Variants in MUC5AC observed in about 807,000 individuals in gnomAD.
The protein encoded by MUC5AC is mucin 5AC, oligomeric mucus/gel-forming.
MUC5AC carries 158 observed loss-of-function variants against 169.7 expected under a neutral mutation model. The observed-to-expected ratio is 0.93, with a 90% CI of 0.82 to 1.06. The LOEUF is 1.06. Among genes scored for constraint, MUC5AC ranks in the 50% least tolerant of loss-of-function variants. MUC5AC has a pLI of 0.00. For synonymous variants in MUC5AC, 1,975 were observed against 1,237.0 expected (o/e 1.60, Z -12.52); for missense variants, 4,359 against 3,089.9 (o/e 1.41, Z -9.74).
intron 11 of MUC5AC, among the ~76,000 whole-genome samples, 177 bp from the exon 12 acceptor site, chr11:1,167,700 G>C (rs780453756): frequency 3.9e-5 from 6 of 152,204 alleles, no homozygotes; most frequent in Non-Finnish European, 8.8e-5. Context: ...GCAGATTTCT[G>C]TGTGTGCCTG....
intron 15 of MUC5AC, among the ~76,000 whole-genome samples, chr11:1,170,147 CCATT>C (rs1181348279): frequency 1.3e-5 from 1 of 74,770 alleles, no homozygotes; most frequent in Non-Finnish European, 2.6e-5. Flanking sequence ...ACCCACTCAC[CCATT>C]CACCCATTCA....
At chr11:1,197,867 G>A in intron 41 of MUC5AC, 36 bp from the exon 42 acceptor site, 1 of 696,910 alleles carries the variant, frequency 1.4e-6, no homozygotes, top group African/African-American at 1.7e-5. Flanking sequence ...GGGGGCGGGG[G>A]ACAGACTCCT....
chr11:1,196,481 C>T lies in MUC5AC; in HGVS notation c.15725+6C>T, dbSNP rs753835882. The T allele has an allele frequency of 5.2e-6, 4 of 764,982 alleles. No homozygotes were observed. Among genetic ancestry groups the T allele is most frequent in the East Asian group, 4.8e-5 (2 of 41,250 alleles). 47.4% of individuals were successfully genotyped at this position (764,982 alleles called of 1,614,324 possible). The stretch of plus-strand genomic sequence containing the variant: ...AATGACAGCGCCAGCCTCGGGTAGG[C>T]ACCCTCCCTCCTGGCCCTGCCATGG... On this transcript the variant is annotated splice_donor_region_variant and intron_variant, in intron 38 of 48. Coordinates refer to ENST00000621226, the MANE Select transcript of MUC5AC (RefSeq NM_001304359.2).
At position 1,168,844 on chromosome 11, in the gene MUC5AC, T is replaced by C; in HGVS notation, c.1706-18T>C. On this transcript the variant is annotated intron_variant, in intron 14 of 48. Coordinates refer to ENST00000621226, the MANE Select transcript of MUC5AC (RefSeq NM_001304359.2). ...TGGCCAGGGCGCATGGTCCTCAACC[T>C]GCCTAACCCGCCCCCAGGTCTCTGT... 6.3e-7 allele frequency: 1 copy of C among 1,580,978 alleles called. No individual in the cohort carries two copies. The highest frequency in any genetic ancestry group is 1.1e-5 in the South Asian group (1 of 87,076).
rs780476470 is a variant in MUC5AC at position 1,196,645 on chromosome 11, G to A, written c.15754G>A (p.Glu5252Lys). The A allele has an allele frequency of 1.3e-5, 10 of 762,590 alleles. No homozygotes were observed. The highest frequency in any genetic ancestry group is 3.4e-5 in the African/African-American group (2 of 59,094). The allele number at this position is 762,590 out of a possible 1,614,324, so 47.2% of individuals were successfully genotyped here. Reference protein sequence around the residue: ...GALPEAGPITEGCFCPEGMTL... With the variant: ...GALPEAGPITKGCFCPEGMTL... ...TCTGCCGGAGGCCGGCCCCATCACC[G>A]AAGGCTGCTTCTGTCCGGAGGGCAT... Residue 5252 changes from glutamate (E) to lysine (K), a missense_variant, in exon 39 of 49, where the codon GAA becomes AAA. Transcript: ENST00000621226.
In MUC5AC at chr11:1,196,724, C is replaced by T. The variant is rs376370809; in HGVS notation, c.15829+4C>T. ...TGCGTGCCCACGGGCTGCCCCAGTA[C>T]GTGCCCCAGGCCGGGGCTGGGGGGT... is the stretch of plus-strand genomic sequence containing the variant. On this transcript the variant is annotated splice_donor_region_variant and intron_variant, in intron 39 of 48. Coordinates refer to ENST00000621226, the MANE Select transcript of MUC5AC (RefSeq NM_001304359.2). 1.0e-4 allele frequency: 76 copies of T among 753,372 alleles called. No homozygotes were observed. In the East Asian group the frequency reaches 1.0e-3, roughly 10 times the overall value. 46.7% of individuals were successfully genotyped at this position (753,372 alleles called of 1,614,324 possible). A position where few individuals can be genotyped will look rare whatever the true frequency, so the allele number is the denominator to read the frequency against.
Position 1,183,612 on chromosome 11 carries a change from G to T in MUC5AC, c.5467G>T (p.Asp1823Tyr), listed in dbSNP as rs1236484897. 1 of 642,300 alleles carries T rather than the reference G, an allele frequency of 1.6e-6. No individual in the cohort carries two copies. Among genetic ancestry groups the T allele is most frequent in the Admixed American group, 2.4e-5 (1 of 42,264 alleles). 39.8% of individuals were successfully genotyped at this position (642,300 alleles called of 1,614,324 possible). ...REEGLVCRNQ[D>Y]QQGPFKMCLN... The stretch of plus-strand genomic sequence containing the variant: ...AGAGGGCCTGGTGTGCCGGAACCAG[G>T]ACCAGCAGGGACCCTTCAAGATGTG... Residue 1823 changes from aspartate (D) to tyrosine (Y), a missense_variant, in exon 31 of 49, where the codon GAC becomes TAC. Asp to Tyr is a radical substitution (Grantham distance 160). Transcript: ENST00000621226.
Position 1,181,128 on chromosome 11 carries a change from C to T in MUC5AC, c.3777-11C>T, listed in dbSNP as rs1860806940. On this transcript the variant is annotated splice_polypyrimidine_tract_variant and intron_variant, in intron 28 of 48. Transcript: ENST00000621226. The stretch of plus-strand genomic sequence containing the variant: ...CCCACGCATCGGCCTGCCCTTCTTC[C>T]TTGTCTCCAGCCTTTGTACGGAGCG... 2 of 398,446 alleles carry T rather than the reference C, an allele frequency of 5.0e-6. No individual in the cohort carries two copies. The highest frequency in any genetic ancestry group is 2.1e-5 in the African/African-American group (1 of 48,616). 24.7% of individuals were successfully genotyped at this position (398,446 alleles called of 1,614,324 possible). A position where few individuals can be genotyped will look rare whatever the true frequency, so the allele number is the denominator to read the frequency against.
intron 7 of MUC5AC, 47 bp from the exon 8 acceptor site, chr11:1,164,059 C>G: frequency 6.2e-7 from 1 of 1,609,778 alleles, no homozygotes; most frequent in Non-Finnish European, 8.5e-7. Flanking sequence ...GGGAACCGGT[C>G]CAGATCCCCC....
rs1369155846 is a variant in MUC5AC, at chr11:1,188,373, C to T, written c.10228C>T (p.Pro3410Ser). 97 of 636,470 alleles carry T rather than the reference C, an allele frequency of 1.5e-4. No individual in the cohort carries two copies. Among genetic ancestry groups the T allele is most frequent in the Non-Finnish European group, 2.7e-4 (93 of 343,478 alleles). 39.4% of individuals were successfully genotyped at this position (636,470 alleles called of 1,614,324 possible). Residue 3410 changes from proline (P) to serine (S), a missense_variant, in exon 31 of 49, where the codon CCT becomes TCT. Physicochemically the swap from Pro to Ser is moderately conservative, Grantham distance 74. Coordinates refer to ENST00000621226, the MANE Select transcript of MUC5AC (RefSeq NM_001304359.2). ...STPQTSISSAPTSSTTSAPTS... is the reference protein window; with the variant it reads ...STPQTSISSASTSSTTSAPTS... ...TCCACAGACCAGCATATCCTCTGCC[C>T]CTACAAGCAGCACAACCTCGGCTCC...
At chr11:1,172,665 C>G (rs1860575425) in intron 16 of MUC5AC, 142 bp downstream of exon 16, 1 of 397,466 alleles carries the variant, frequency 2.5e-6, no homozygotes. Context: ...GGGCTGGAAC[C>G]CAGTCTGTCT....
rs775534928 is a variant in MUC5AC at position 1,165,645 on chromosome 11, G to T, written c.1271G>T (p.Ser424Ile). Residue 424 changes from serine (S) to isoleucine (I), a missense_variant, in exon 11 of 49, where the codon AGC becomes ATC. Physicochemically the swap from Ser to Ile is moderately radical, Grantham distance 142. Transcript: ENST00000621226. ...AGCACCTGCTCCGGAGGCCGGTGGA[G>T]CTGCCAGGAGGTTCCATGCCCGGGT... is the stretch of plus-strand genomic sequence containing the variant. ...TNCTCSGGRW[S>I]CQEVPCPGTC... 1.9e-6 allele frequency: 3 copies of T among 1,612,322 alleles called. No homozygotes were observed. Among genetic ancestry groups the T allele is most frequent in the Non-Finnish European group, 1.7e-6 (2 of 1,179,760 alleles).
Position 1,185,870 on chromosome 11 carries a change from T to C in MUC5AC, c.7725T>C (p.Val2575=), listed in dbSNP as rs1315594943. 1 of 746,872 alleles carries C rather than the reference T, an allele frequency of 1.3e-6. No homozygotes were observed. Among genetic ancestry groups the C allele is most frequent in the East Asian group, 2.5e-5 (1 of 40,256 alleles). The allele number at this position is 746,872 out of a possible 1,614,324, so 46.3% of individuals were successfully genotyped here. The change falls in exon 31 of 49, where the codon GTT becomes GTC. Residue 2575 remains valine (V), a synonymous_variant. Transcript: ENST00000621226. ...GTCCTGGAACTACTCCCAGCCCTGT[T>C]CCTACCACGAGCACAACCTCTGCTC... ...TSGPGTTPSP[V]PTTSTTSAPT...
chr11:1,178,055 C>G (rs2133746668), intron 24 of MUC5AC, among the ~76,000 whole-genome samples: 1 of 152,222 alleles, frequency 6.6e-6, no homozygotes, highest in East Asian at 1.9e-4. Flanking sequence ...CTAAGTTTCC[C>G]TCTTTTATAA....
rs771066837 is a variant in MUC5AC at position 1,192,152 on chromosome 11, G to A, written c.14007G>A (p.Glu4669=). Residue 4669 remains glutamate (E), a synonymous_variant, in exon 31 of 49, where the codon GAG becomes GAA. Coordinates refer to ENST00000621226, the MANE Select transcript of MUC5AC (RefSeq NM_001304359.2). ...GGGAAAAAATCTGCCGCCGACCTGAGGAGATCACCAGGCTCCAGTGCCGAG... is the reference window on the plus strand; with the variant it reads ...GGGAAAAAATCTGCCGCCGACCTGAAGAGATCACCAGGCTCCAGTGCCGAG... ...RSGEKICRRP[E]EITRLQCRAE... 2 of 765,112 alleles carry A rather than the reference G, an allele frequency of 2.6e-6. No homozygotes were observed. The highest frequency in any genetic ancestry group is 1.3e-5 in the South Asian group (1 of 74,614). 47.4% of individuals were successfully genotyped at this position (765,112 alleles called of 1,614,324 possible).
chr11:1,181,696 G>A (rs1860819025), intron 30 of MUC5AC, among the ~76,000 whole-genome samples: 1 of 152,186 alleles, frequency 6.6e-6, no homozygotes, highest in Non-Finnish European at 1.5e-5. Context: ...TGGCGTCCAA[G>A]TCCTGCCCTC....
chr11:1,167,766 G>A, intron 11 of MUC5AC, 111 bp from the exon 12 acceptor site: 1 of 881,580 alleles, frequency 1.1e-6, no homozygotes, highest in Non-Finnish European at 1.8e-6. Context: ...CTGGGATGGT[G>A]GAGTGGGGTT....
intron 12 of MUC5AC, 44 bp from the exon 13 acceptor site, chr11:1,168,439 C>T (rs758484359): frequency 8.8e-6 from 14 of 1,590,914 alleles, no homozygotes; most frequent in African/African-American, 8.1e-5. Context: ...GCTGAGGTGC[C>T]GCAAGCCTGC....
Position 1,177,233 on chromosome 11 carries a change from C to A in MUC5AC, c.2796C>A (p.Asn932Lys), listed in dbSNP as rs914509562. ...NGDCEYTLVQNHCGGKDSTQD... is the reference protein window; with the variant it reads ...NGDCEYTLVQKHCGGKDSTQD... Reference sequence around the variant, plus strand: ...CTTGATGGCCTCTGCTTCCCCAGAACCACTGTGGCGGGAAAGACAGCACCC... The same window carrying A: ...CTTGATGGCCTCTGCTTCCCCAGAAACACTGTGGCGGGAAAGACAGCACCC... Residue 932 changes from asparagine (N) to lysine (K), a missense_variant and splice_region_variant, in exon 23 of 49, where the codon AAC becomes AAA. By Grantham distance (94) the Asn-to-Lys change is moderately conservative. Transcript: ENST00000621226. The A allele has an allele frequency of 1.7e-5, 7 of 410,166 alleles. No homozygotes were observed. The Middle Eastern group carries it at 1.3e-3, about 79-fold the overall frequency. 25.4% of individuals were successfully genotyped at this position (410,166 alleles called of 1,614,324 possible).
Sources: allele counts gnomAD v4.1 joint callset (sites outside exome capture counted in the v4.1 genomes callset), GRCh38; gene constraint gnomAD v4.1.1; transcripts MANE v1.5; gene names NCBI Gene and HGNC (gene_info 2026-07-23, HGNC 2026-07-21).